Variants in PCDH15 observed in about 807,000 individuals in gnomAD.
PCDH15 encodes protocadherin related 15.
Under a neutral mutation model 178.5 loss-of-function variants are expected in PCDH15, and 129 were observed. The ratio of observed to expected loss-of-function variants is 0.72; its 90% CI spans 0.63 to 0.84. PCDH15 has a LOEUF of 0.84. Ranked by LOEUF, PCDH15 falls within the 40% of genes least tolerant of loss-of-function variation. The probability of loss-of-function intolerance (pLI) is 0.00; values close to 1 mark genes in which losing one functional copy is unlikely to be tolerated. For missense variants in PCDH15, 2,230 were observed against 2,099.9 expected (o/e 1.06, Z -1.21); for synonymous variants, 800 against 732.0 (o/e 1.09, Z -1.50).
At chr10:55,200,434 A>G (rs941033047) in intron 1 of PCDH15, among the ~76,000 whole-genome samples, 1 of 152,138 alleles carries the variant, frequency 6.6e-6, no homozygotes, top group African/African-American at 2.4e-5. Context: ...GTATCATGGA[A>G]GTAAGTAATT....
At chr10:54,980,845 G>A (rs1839216040) in intron 2 of PCDH15, among the ~76,000 whole-genome samples, 2 of 151,774 alleles carry the variant, frequency 1.3e-5, no homozygotes, top group South Asian at 4.2e-4. Flanking sequence ...AGGCTCTTGA[G>A]TTCATTTTTT....
chr10:54,379,060 C>G (rs1257148622), intron 3 of PCDH15, 118 bp from the exon 4 acceptor site: 15 of 1,043,992 alleles, frequency 1.4e-5, no homozygotes, highest in Non-Finnish European at 2.2e-5. Context: ...AAATACTCAA[C>G]TGTATATCTA....
At chr10:55,128,115 T>A (rs1837949374) in intron 2 of PCDH15, among the ~76,000 whole-genome samples, 1 of 152,040 alleles carries the variant, frequency 6.6e-6, no homozygotes, top group African/African-American at 2.4e-5. Context: ...CTTTTTATGA[T>A]CTAACGCTGT....
At chr10:55,460,044 C>T (rs1839638985) in intron 2 of PCDH15, among the ~76,000 whole-genome samples, 1 of 151,794 alleles carries the variant, frequency 6.6e-6, no homozygotes, top group African/African-American at 2.4e-5. Flanking sequence ...CAGAACCCCA[C>T]AGAACAAAAG....
chr10:54,176,631 G>A (rs775114966), intron 13 of PCDH15, among the ~76,000 whole-genome samples: 6 of 152,142 alleles, frequency 3.9e-5, no homozygotes, highest in Non-Finnish European at 8.8e-5. Flanking sequence ...CTGTATGTGT[G>A]GAGCTTTCTT....
intron 1 of PCDH15, among the ~76,000 whole-genome samples, chr10:54,707,510 C>T (rs923251499): frequency 5.3e-5 from 8 of 151,968 alleles, no homozygotes; most frequent in Admixed American, 3.9e-4. Context: ...ACAAAAATAA[C>T]AAATGGAGAC....
At chr10:55,222,352 T>C (rs1840901483) in intron 1 of PCDH15, among the ~76,000 whole-genome samples, 1 of 151,862 alleles carries the variant, frequency 6.6e-6, no homozygotes, top group Admixed American at 6.6e-5. Flanking sequence ...ATTATCAAAA[T>C]GTATTCAGTT....
At chr10:54,228,030 C>T (rs971732912) in intron 9 of PCDH15, among the ~76,000 whole-genome samples, 5 of 152,150 alleles carry the variant, frequency 3.3e-5, no homozygotes, top group African/African-American at 4.8e-5. Context: ...ATCTTCCTAT[C>T]TTCTACAGAG....
rs1161440746 is a variant in PCDH15, at chr10:55,591,434, C to A, written c.-156+36191G>T. Reference sequence around the variant, plus strand: ...TGGGTAACGGAGTGAGACTCTCTCTCATAAATAAATACATAAATAAATAAA... The same window carrying A: ...TGGGTAACGGAGTGAGACTCTCTCTAATAAATAAATACATAAATAAATAAA... On this transcript the variant is annotated intron_variant, in intron 2 of 5. Transcript: ENST00000613346. 1.3e-5 allele frequency among the ~76,000 whole-genome samples: 2 copies of A among 151,566 alleles called. 1 individual carries two copies. The highest frequency in any genetic ancestry group is 2.9e-5 in the Non-Finnish European group (2 of 67,892).
chr10:54,026,491 T>C (rs544983247), intron 18 of PCDH15, among the ~76,000 whole-genome samples: 1 of 152,312 alleles, frequency 6.6e-6, no homozygotes, highest in Non-Finnish European at 1.5e-5. Context: ...TTTAAATTGG[T>C]ATAAATTACG....
intron 25 of PCDH15, among the ~76,000 whole-genome samples, chr10:53,931,203 A>G (rs2085030436): frequency 6.6e-6 from 1 of 152,158 alleles, no homozygotes; most frequent in Non-Finnish European, 1.5e-5. Flanking sequence ...CCCATGATTA[A>G]AACAGTGTAC....
intron 23 of PCDH15, among the ~76,000 whole-genome samples, chr10:53,954,341 T>A (rs1433032914): frequency 6.6e-6 from 1 of 152,194 alleles, no homozygotes; most frequent in African/African-American, 2.4e-5. Context: ...CAATGATAGG[T>A]CTATTGTTAT....
intron 2 of PCDH15, among the ~76,000 whole-genome samples, chr10:55,526,228 A>G (rs987262001): frequency 1.3e-5 from 2 of 151,964 alleles, no homozygotes; most frequent in Admixed American, 6.6e-5. Flanking sequence ...ATAATAGATA[A>G]TCAACACAAT....
At chr10:55,255,274 A>T (rs1326702675) in intron 1 of PCDH15, among the ~76,000 whole-genome samples, 5 of 150,690 alleles carry the variant, frequency 3.3e-5, no homozygotes, top group Non-Finnish European at 4.4e-5. Flanking sequence ...CCTACAAAGG[A>T]CATGAACTCA....
intron 8 of PCDH15, among the ~76,000 whole-genome samples, chr10:54,270,692 T>G (rs1211954678): frequency 6.6e-6 from 1 of 152,164 alleles, no homozygotes. Context: ...TCTAGCTGTT[T>G]GTGGAAAATC....
At chr10:54,528,398 C>T in intron 2 of PCDH15, 1 of 1,575,594 alleles carries the variant, frequency 6.3e-7, no homozygotes, top group East Asian at 2.3e-5. Flanking sequence ...CCTCATATTG[C>T]CAGTCTGGAG....
At chr10:53,809,133 G>T in intron 37 of PCDH15, 1 of 1,613,762 alleles carries the variant, frequency 6.2e-7, no homozygotes, top group Non-Finnish European at 8.5e-7. Flanking sequence ...CTGATTCAGG[G>T]GTGGAACTCT....
chr10:54,938,184 T>TTC (rs1427356421), intron 2 of PCDH15, among the ~76,000 whole-genome samples: 1 of 152,050 alleles, frequency 6.6e-6, no homozygotes, highest in Non-Finnish European at 1.5e-5. Context: ...GTATAGTACT[T>TTC]TTTATATGTT....
At chr10:55,424,872 C>T (rs1171500684) in intron 2 of PCDH15, among the ~76,000 whole-genome samples, 2 of 149,358 alleles carry the variant, frequency 1.3e-5, no homozygotes, top group Non-Finnish European at 3.0e-5. Context: ...CATCGTATTG[C>T]AACAGTTGAT....
Sources: allele counts gnomAD v4.1 joint callset (sites outside exome capture counted in the v4.1 genomes callset), GRCh38; gene constraint gnomAD v4.1.1; transcripts MANE v1.5; gene names NCBI Gene and HGNC (gene_info 2026-07-23, HGNC 2026-07-21).